The following KIF16B variants were observed in gnomAD, a reference collection of about 807,000 sequenced individuals.
KIF16B encodes kinesin family member 16B, also known as kinesin-like protein KIF16B.
KIF16B carries 98 observed loss-of-function variants against 156.3 expected under a neutral mutation model. The observed-to-expected ratio is 0.63, with a 90% CI of 0.53 to 0.74. The LOEUF (loss-of-function observed/expected upper bound fraction) is 0.74. Among genes scored for constraint, KIF16B ranks in the 30% least tolerant of loss-of-function variants. KIF16B has a pLI of 0.00. For synonymous variants in KIF16B, 564 were observed against 583.7 expected, an observed-to-expected ratio of 0.97 and a Z score of 0.49; for missense variants, 1,421 against 1,606.5, an observed-to-expected ratio of 0.88 and a Z score of 1.97.
intron 3 of KIF16B, among the ~76,000 whole-genome samples, chr20:16,524,622 T>A (rs910654763): frequency 2.0e-5 from 3 of 152,206 alleles, no homozygotes; most frequent in Non-Finnish European, 4.4e-5. Context: ...GTGTGGCGAT[T>A]CCTCAAGGAT....
At position 16,486,935 on chromosome 20, in the gene KIF16B, G is replaced by A. The variant is rs564826364; in HGVS notation, c.1302+7356C>T. On this transcript the variant is annotated intron_variant, in intron 12 of 25. Transcript: ENST00000354981. ...CCCCAGATCTACTCCTAGGTTCAAC[G>A]TTTGTACCAAGAAGAGGTCAAGATT... 5.3e-5 allele frequency among the ~76,000 whole-genome samples: 8 copies of A among 152,070 alleles called. No homozygotes were observed. The East Asian group carries it at 7.7e-4, about 15-fold the overall frequency.
chr20:16,408,489 G>T (rs138449014), intron 15 of KIF16B, among the ~76,000 whole-genome samples: 234 of 152,256 alleles, frequency 1.5e-3, no homozygotes, highest in African/African-American at 5.3e-3. Flanking sequence ...ATTTAATGCT[G>T]TTAAAGTTAC....
Position 16,427,322 on chromosome 20 carries a change from T to G in KIF16B, c.1475-81A>C, listed in dbSNP as rs1471648910. ...TCCCAGCTATTTATCTATAAATTTA[T>G]TTATTTTCCTTTTGAATACTCTTCC... On this transcript the variant is annotated intron_variant, in intron 14 of 25. Coordinates refer to ENST00000354981, the MANE Select transcript of KIF16B (RefSeq NM_024704.5). 4.7e-6 allele frequency: 6 copies of G among 1,289,982 alleles called. 1 individual carries two copies. Among genetic ancestry groups the G allele is most frequent in the Non-Finnish European group, 6.4e-6 (6 of 936,346 alleles). The allele number at this position is 1,289,982 out of a possible 1,614,324, so 79.9% of individuals were successfully genotyped here.
At chr20:16,436,625 A>C (rs2066647830) in intron 12 of KIF16B, among the ~76,000 whole-genome samples, 1 of 152,198 alleles carries the variant, frequency 6.6e-6, no homozygotes, top group South Asian at 2.1e-4. Flanking sequence ...GTGCAGGTTT[A>C]GGAATATCCC....
At chr20:16,430,853 A>G (rs1450041989) in intron 12 of KIF16B, among the ~76,000 whole-genome samples, 1 of 145,412 alleles carries the variant, frequency 6.9e-6, no homozygotes, top group African/African-American at 2.8e-5. Context: ...GTGTATGTAT[A>G]TATATATATA....
At chr20:16,513,075 T>C in intron 4 of KIF16B, 152 bp from the exon 5 acceptor site, 1 of 600,156 alleles carries the variant, frequency 1.7e-6, no homozygotes, top group Non-Finnish European at 3.0e-6. Context: ...CCTCCAGGGC[T>C]GCTTTCTACT....
intron 1 of KIF16B, among the ~76,000 whole-genome samples, chr20:16,549,011 G>T (rs943182957): frequency 4.3e-5 from 6 of 140,986 alleles, no homozygotes; most frequent in Admixed American, 1.4e-4. Context: ...CTCATTTTCG[G>T]TTTTTTTTTT....
Position 16,515,618 on chromosome 20 carries a change from C to T in KIF16B, c.278G>A (p.Gly93Asp). Residue 93 changes from glycine (G) to aspartate (D), a missense_variant, in exon 4 of 26, where the codon GGT becomes GAT. Coordinates refer to ENST00000354981, the MANE Select transcript of KIF16B (RefSeq NM_024704.5). ...GTDVVKSAFE[G>D]YNACVFAYGQ... is the part of the protein sequence containing the mutation. ...ATATGCAAAGACACAAGCATTATAA[C>T]CTTCAAATGCAGACTTCACGACATC... 1.2e-6 allele frequency: 2 copies of T among 1,613,408 alleles called. No individual in the cohort carries two copies. Among genetic ancestry groups the T allele is most frequent in the Non-Finnish European group, 1.7e-6 (2 of 1,179,664 alleles).
chr20:16,439,917 G>A (rs1003644709), intron 12 of KIF16B, among the ~76,000 whole-genome samples: 3 of 152,104 alleles, frequency 2.0e-5, no homozygotes, highest in Admixed American at 2.0e-4. Flanking sequence ...CAACATGTGG[G>A]AATTCAAGAT....
chr20:16,490,687 A>T (rs1391678270), intron 12 of KIF16B, among the ~76,000 whole-genome samples: 1 of 152,222 alleles, frequency 6.6e-6, no homozygotes, highest in Non-Finnish European at 1.5e-5. Flanking sequence ...GGGCCTCAGG[A>T]GAAGTTAATC....
chr20:16,515,186 T>C (rs1356149093), intron 4 of KIF16B, among the ~76,000 whole-genome samples: 1 of 152,100 alleles, frequency 6.6e-6, no homozygotes, highest in East Asian at 1.9e-4. Flanking sequence ...GGGAAAAATG[T>C]TTTGAATAAT....
chr20:16,423,173 T>TG (rs940603782), intron 15 of KIF16B, among the ~76,000 whole-genome samples: 2 of 152,034 alleles, frequency 1.3e-5, no homozygotes, highest in African/African-American at 4.8e-5. Flanking sequence ...AGAAAAAAGT[T>TG]GGAGCTACAC....
At chr20:16,417,695 A>G (rs1002359211) in intron 15 of KIF16B, among the ~76,000 whole-genome samples, 6 of 152,186 alleles carry the variant, frequency 3.9e-5, no homozygotes, top group Non-Finnish European at 7.3e-5. Flanking sequence ...TATAAAGAAG[A>G]ATCCAATATT....
chr20:16,409,807 G>A (rs1243524635), intron 15 of KIF16B, among the ~76,000 whole-genome samples: 4 of 151,302 alleles, frequency 2.6e-5, no homozygotes, highest in African/African-American at 9.7e-5. Flanking sequence ...ACTGGAAAAG[G>A]ACCAAGATGG....
At chr20:16,526,509 C>T (rs766610728) in intron 2 of KIF16B, among the ~76,000 whole-genome samples, 1 of 152,120 alleles carries the variant, frequency 6.6e-6, no homozygotes, top group Non-Finnish European at 1.5e-5. Context: ...CACCTAAATC[C>T]ACCAGAGTTG....
At chr20:16,526,594 G>C (rs1208644411) in intron 2 of KIF16B, among the ~76,000 whole-genome samples, 1 of 152,118 alleles carries the variant, frequency 6.6e-6, no homozygotes, top group African/African-American at 2.4e-5. Context: ...TGTATGATTT[G>C]GTGGCCTCAC....
chr20:16,396,148 G>A (rs983889278), intron 17 of KIF16B, among the ~76,000 whole-genome samples: 4 of 152,066 alleles, frequency 2.6e-5, no homozygotes, highest in Non-Finnish European at 5.9e-5. Context: ...CCCAGGCTGC[G>A]GACTGGTACC....
chr20:16,317,867 C>T (rs371564731), intron 24 of KIF16B, among the ~76,000 whole-genome samples: 3 of 152,140 alleles, frequency 2.0e-5, no homozygotes, highest in East Asian at 1.9e-4. Flanking sequence ...AGGAGGAAGG[C>T]GAGCAGGGGC....
At chr20:16,356,576 G>T in intron 22 of KIF16B, 124 bp from the exon 23 acceptor site, 1 of 1,006,288 alleles carries the variant, frequency 9.9e-7, no homozygotes, top group Non-Finnish European at 1.4e-6. Context: ...AAACCAGTAG[G>T]GTTTATTTAG....
Sources: gnomAD v4.1 joint callset for allele counts (sites outside exome capture counted in the v4.1 genomes callset) on GRCh38, gnomAD v4.1.1 for gene constraint, MANE v1.5 for transcripts, NCBI Gene and HGNC (gene_info 2026-07-23, HGNC 2026-07-21) for gene names.